Variants in GPR39 observed in about 807,000 individuals in gnomAD.
GPR39 encodes the protein zinc sensing receptor.
GPR39 carries 23 observed loss-of-function variants against 18.4 expected under a neutral mutation model. The ratio of observed to expected loss-of-function variants is 1.25; its 90% confidence interval spans 0.90 to 1.77. The LOEUF (loss-of-function observed/expected upper bound fraction) is 1.77. GPR39 is among the 40% of genes most tolerant of loss of function. The pLI, the probability that GPR39 is intolerant of heterozygous loss-of-function variation, is 0.00. For missense variants in GPR39, 647 were observed against 602.4 expected (o/e 1.07, Z -0.78); for synonymous variants, 280 against 257.9 (o/e 1.09, Z -0.82).
intron 1 of GPR39, among the ~76,000 whole-genome samples, chr2:132,610,796 A>AAAAAAAG (rs1553460049): frequency 1.1e-4 from 17 of 149,606 alleles, no homozygotes; most frequent in African/African-American, 3.9e-4. Flanking sequence ...AAAAAAAAAA[A>AAAAAAAG]AAGAAGAAGA....
intron 1 of GPR39, among the ~76,000 whole-genome samples, chr2:132,539,548 A>G (rs1020945584): frequency 6.6e-6 from 1 of 152,190 alleles, no homozygotes; most frequent in Non-Finnish European, 1.5e-5. Context: ...ATTTTGGGAT[A>G]GAGAAGTTGT....
chr2:132,489,084 T>C (rs577154341), intron 1 of GPR39: 25 of 212,150 alleles, frequency 1.2e-4, no homozygotes, highest in African/African-American at 5.4e-4. Flanking sequence ...AGGGTCCTCC[T>C]CTCCTTAGAT....
intron 1 of GPR39, among the ~76,000 whole-genome samples, chr2:132,527,178 AG>A (rs1679529330): frequency 6.6e-6 from 1 of 152,170 alleles, no homozygotes; most frequent in Admixed American, 6.5e-5. Flanking sequence ...CTTAGGAGTT[AG>A]AACGTGCTAT....
rs777574565 is a variant in GPR39, at chr2:132,646,358, C to T, written c.*752C>T. On this transcript the variant is annotated 3_prime_UTR_variant, in exon 2 of 2. Transcript: ENST00000329321. ...CTGTCCCTCTCAGCCCAAATCCAAA[C>T]GGACAGCTCTTCCTTACTCCTCCCA... is the stretch of plus-strand genomic sequence containing the variant. 43 of 984,424 alleles carry T rather than the reference C, an allele frequency of 4.4e-5. No individual in the cohort carries two copies. The South Asian group carries it at 4.6e-4, about 11-fold the overall frequency. 61.0% of individuals were successfully genotyped at this position (984,424 alleles called of 1,614,324 possible). A position where few individuals can be genotyped will look rare whatever the true frequency, so the allele number is the denominator to read the frequency against.
At chr2:132,426,405 T>G (rs1454166796) in intron 1 of GPR39, among the ~76,000 whole-genome samples, 2 of 152,244 alleles carry the variant, frequency 1.3e-5, no homozygotes, top group Admixed American at 1.3e-4. Context: ...ATTATCATCC[T>G]TTTGGTAGCT....
chr2:132,455,350 T>C (rs1208711932), intron 1 of GPR39, among the ~76,000 whole-genome samples: 1 of 152,142 alleles, frequency 6.6e-6, no homozygotes, highest in Non-Finnish European at 1.5e-5. Flanking sequence ...TTTTTTATTG[T>C]GTCTATTTGA....
At position 132,646,174 on chromosome 2, in the gene GPR39, G is replaced by A. The variant is rs1198585307; in HGVS notation, c.*568G>A. ...CGTTACAAAGAGGGGTGTTGCAGCA[G>A]CTGATGCAAACTGAGTTCAGTTTCC... On this transcript the variant is annotated 3_prime_UTR_variant, in exon 2 of 2. Coordinates refer to ENST00000329321, the MANE Select transcript of GPR39 (RefSeq NM_001508.3). The A allele has an allele frequency of 6.8e-6, 11 of 1,611,162 alleles. No individual in the cohort carries two copies. Among genetic ancestry groups the A allele is most frequent in the Non-Finnish European group, 8.5e-6 (10 of 1,178,482 alleles).
chr2:132,588,671 C>T (rs893328600), intron 1 of GPR39, among the ~76,000 whole-genome samples: 4 of 152,114 alleles, frequency 2.6e-5, no homozygotes, highest in Non-Finnish European at 5.9e-5. Flanking sequence ...CCTGGAAGCT[C>T]AGGGCTTCAA....
rs184614256 is a variant in GPR39 at position 132,484,144 on chromosome 2, C to A, written c.856+66246C>A. 7.9e-5 allele frequency among the ~76,000 whole-genome samples: 12 copies of A among 152,286 alleles called. No homozygotes were observed. In the East Asian group the frequency reaches 2.3e-3, roughly 29 times the overall value. On this transcript the variant is annotated intron_variant, in intron 1 of 1. Transcript: ENST00000329321. ...TTTTTAGTGTAGTATCACCTTCACT[C>A]ATGATCACTGATGTGTTGCGCTAGT...
At position 132,546,839 on chromosome 2, in the gene GPR39, C is replaced by CAAAAAAAAA. The variant is rs60267293; in HGVS notation, c.857-98244_857-98236dup. Among the ~76,000 whole-genome samples the CAAAAAAAAA allele has an allele frequency of 5.9e-4, 20 of 33,972 alleles. 2 individuals are homozygous for CAAAAAAAAA. Among genetic ancestry groups the CAAAAAAAAA allele is most frequent in the African/African-American group, 1.4e-3 (15 of 11,072 alleles). 22.3% of individuals were successfully genotyped at this position (33,972 alleles called of 152,430 possible). Reference sequence around the variant, plus strand: ...TCTCCAGGATGCAGTAGCTCCACAGCAAAAAAAAAAAAAAAAAAAAAAAAA... The same window carrying CAAAAAAAAA: ...TCTCCAGGATGCAGTAGCTCCACAGCAAAAAAAAAAAAAAAAAAAAAAAAAAAAAAAAAA... On this transcript the variant is annotated intron_variant, in intron 1 of 1. Transcript: ENST00000329321.
intron 1 of GPR39, among the ~76,000 whole-genome samples, chr2:132,423,611 T>C (rs1275869777): frequency 6.6e-6 from 1 of 152,174 alleles, no homozygotes. Context: ...CTCTATTCTC[T>C]ACCTGCTCCC....
At chr2:132,598,856 C>A (rs1393964706) in intron 1 of GPR39, among the ~76,000 whole-genome samples, 1 of 152,198 alleles carries the variant, frequency 6.6e-6, no homozygotes, top group East Asian at 1.9e-4. Flanking sequence ...TAACAAGGTC[C>A]CTGTCCTCAA....
intron 1 of GPR39, among the ~76,000 whole-genome samples, chr2:132,422,128 T>C (rs1010850294): frequency 6.6e-6 from 1 of 152,208 alleles, no homozygotes; most frequent in Non-Finnish European, 1.5e-5. Context: ...CTGATAACCT[T>C]TGTGTTTTAT....
chr2:132,524,723 T>C (rs1156794520), intron 1 of GPR39, among the ~76,000 whole-genome samples: 1 of 152,184 alleles, frequency 6.6e-6, no homozygotes, highest in Non-Finnish European at 1.5e-5. Context: ...CTCCAAAATC[T>C]AGTACCCACT....
chr2:132,635,035 G>C (rs13028589), intron 1 of GPR39, among the ~76,000 whole-genome samples: 1 of 152,204 alleles, frequency 6.6e-6, no homozygotes, highest in Non-Finnish European at 1.5e-5. Context: ...TTCTCCTTTA[G>C]GGCTGAGGGT....
At chr2:132,588,098 G>A (rs1029800150) in intron 1 of GPR39, among the ~76,000 whole-genome samples, 1 of 152,148 alleles carries the variant, frequency 6.6e-6, no homozygotes, top group African/African-American at 2.4e-5. Context: ...GAGACTGAAG[G>A]TGAGAGGAGG....
At chr2:132,427,389 G>C (rs893035130) in intron 1 of GPR39, among the ~76,000 whole-genome samples, 1 of 149,544 alleles carries the variant, frequency 6.7e-6, no homozygotes, top group African/African-American at 2.4e-5. Flanking sequence ...AGGATGTCTC[G>C]ATCTCCTGAC....
At position 132,639,363 on chromosome 2, in the gene GPR39, G is replaced by T. The variant is rs1681820002; in HGVS notation, c.857-5738G>T. Among the ~76,000 whole-genome samples the T allele has an allele frequency of 2.0e-5, 3 of 152,140 alleles. No individual in the cohort carries two copies. In the South Asian group the frequency reaches 6.2e-4, roughly 31 times the overall value. On this transcript the variant is annotated intron_variant, in intron 1 of 1. Coordinates refer to ENST00000329321, the MANE Select transcript of GPR39 (RefSeq NM_001508.3). ...AATTGAAAAATAGAGACAGGAACAGGCAGGAGGAGGACAGAGCAGACATAA... is the reference window on the plus strand; with the variant it reads ...AATTGAAAAATAGAGACAGGAACAGTCAGGAGGAGGACAGAGCAGACATAA...
chr2:132,494,494 A>G (rs987438128), intron 1 of GPR39, among the ~76,000 whole-genome samples: 1 of 152,168 alleles, frequency 6.6e-6, no homozygotes, highest in African/African-American at 2.4e-5. Flanking sequence ...CAAGGCTTCT[A>G]TTATGGGACC....
Sources: gnomAD v4.1 joint callset for allele counts (sites outside exome capture counted in the v4.1 genomes callset) on GRCh38, gnomAD v4.1.1 for gene constraint, MANE v1.5 for transcripts, NCBI Gene and HGNC (gene_info 2026-07-23, HGNC 2026-07-21) for gene names.